STRN4: variants seen among roughly 807,000 people sequenced by gnomAD.
STRN4 encodes striatin 4, also known as striatin-4.
Under a neutral mutation model 77.9 loss-of-function variants are expected in STRN4, and 27 were observed. The observed-to-expected ratio is 0.35, with a 90% CI of 0.26 to 0.48. The LOEUF (loss-of-function observed/expected upper bound fraction) is 0.48. STRN4 is among the 20% of genes least tolerant of loss of function. The probability of loss-of-function intolerance (pLI) is 0.99; values close to 1 mark genes in which losing one functional copy is unlikely to be tolerated. For missense variants in STRN4, 798 were observed against 1,049.7 expected, an observed-to-expected ratio of 0.76 and a Z score of 3.31; for synonymous variants, 466 against 443.1, an observed-to-expected ratio of 1.05 and a Z score of -0.65.
Position 46,724,859 on chromosome 19 carries a change from G to A in STRN4, c.1542C>T (p.Cys514=), listed in dbSNP as rs753258024. ...EYCYSGGADA[C]IHSWKIPDLS... ...GGTCTGGAATCTTCCAACTATGGATGCAGGCATCTGCCCCGCCACTGTAGC... is the reference window on the plus strand; with the variant it reads ...GGTCTGGAATCTTCCAACTATGGATACAGGCATCTGCCCCGCCACTGTAGC... The change falls in exon 12 of 18, where the codon TGC becomes TGT. Residue 514 remains cysteine (C), a synonymous_variant. Transcript: ENST00000263280. 2.0e-5 allele frequency: 33 copies of A among 1,613,662 alleles called. No homozygotes were observed. The East Asian group carries it at 7.1e-4, about 35-fold the overall frequency.
At chr19:46,736,517 A>C (rs2054366032) in intron 4 of STRN4, 1 of 176,662 alleles carries the variant, frequency 5.7e-6, no homozygotes, top group African/African-American at 2.4e-5. Flanking sequence ...AAAAAAAAAA[A>C]AAAAAGCCAC....
At position 46,728,709 on chromosome 19, in the gene STRN4, G is replaced by T. The variant is rs1164362750; in HGVS notation, c.948C>A (p.Ile316=). Residue 316 remains isoleucine (I), a synonymous_variant, in exon 7 of 18, where the codon ATC becomes ATA. Transcript: ENST00000263280. ...CTGAGCCCAGGAAATCAAACTCATT[G>T]ATAGCATCCTCAGAGTCGTCTTCCT... The part of the protein sequence containing the change: ...EDEEDDSEDA[I]NEFDFLGSGE... The T allele has an allele frequency of 6.2e-7, 1 of 1,614,198 alleles. No homozygotes were observed. The highest frequency in any genetic ancestry group is 2.2e-5 in the East Asian group (1 of 44,880).
In STRN4 at chr19:46,724,808, G is replaced by A. The variant is rs776526496; in HGVS notation, c.1593C>T (p.Tyr531=). ...GAAGGCGGGAGGCGTTGTCCTCACC[G>A]TAGCCATCATAGGGATCCATGCTGA... ...PDLSMDPYDG[Y]DPSVLSHVLE... is the part of the protein sequence containing the mutation. Residue 531 remains tyrosine, a splice_region_variant and synonymous_variant, in exon 12 of 18, where the codon TAC becomes TAT. Transcript: ENST00000263280. 5.6e-6 allele frequency: 9 copies of A among 1,613,792 alleles called. No individual in the cohort carries two copies. Among genetic ancestry groups the A allele is most frequent in the Admixed American group, 5.0e-5 (3 of 60,004 alleles).
At chr19:46,725,194 T>C (rs2054079850) in intron 11 of STRN4, 138 bp downstream of exon 11, 1 of 1,249,120 alleles carries the variant, frequency 8.0e-7, no homozygotes, top group Non-Finnish European at 1.1e-6. Context: ...GGGCTGTGTA[T>C]ATCATGAAGG....
rs767951898 is a variant in STRN4, at chr19:46,722,219, G to A, written c.2005+23C>T. Reference sequence around the variant, plus strand: ...GCCTCTGGCCCTCCCCACCCACTACGAGCACAAGGGGCTAGGCCTCACCTG... The same window carrying A: ...GCCTCTGGCCCTCCCCACCCACTACAAGCACAAGGGGCTAGGCCTCACCTG... On this transcript the variant is annotated intron_variant, in intron 15 of 17. Transcript: ENST00000263280. 16 of 1,611,368 alleles carry A rather than the reference G, an allele frequency of 9.9e-6. No homozygotes were observed. The Admixed American group carries it at 1.2e-4, about 12-fold the overall frequency.
intron 14 of STRN4, among the ~76,000 whole-genome samples, 179 bp from the exon 15 acceptor site, chr19:46,722,519 G>A (rs910838239): frequency 2.8e-5 from 3 of 106,122 alleles, no homozygotes; most frequent in African/African-American, 8.2e-5. Flanking sequence ...CAGCCCCTGG[G>A]CCCTGTTTTG....
chr19:46,736,725 TC>T, intron 4 of STRN4, 97 bp downstream of exon 4: 2 of 1,234,780 alleles, frequency 1.6e-6, no homozygotes, highest in Non-Finnish European at 2.3e-6. Flanking sequence ...TAGTTCAGCA[TC>T]CCCAGTGGGG....
chr19:46,736,552 C>CAAAAAAAAAAA (rs777686904), intron 4 of STRN4: 1 of 48,588 alleles, frequency 2.1e-5, no homozygotes, highest in African/African-American at 1.1e-4. Context: ...GCCACTGAGA[C>CAAAAAAAAAAA]AAAAAAAAAA....
chr19:46,728,505 A>G, intron 7 of STRN4, 113 bp downstream of exon 7: 1 of 1,372,312 alleles, frequency 7.3e-7, no homozygotes, highest in African/African-American at 1.5e-5. Context: ...CTCAGGAAAC[A>G]TATCCGTCCG....
At position 46,727,579 on chromosome 19, in the gene STRN4, A is replaced by AGGGGAGGGAGGGGC. The variant is rs753121392; in HGVS notation, c.1154-47_1154-34dup. 4.4e-6 allele frequency: 7 copies of AGGGGAGGGAGGGGC among 1,576,840 alleles called. No homozygotes were observed. In the African/African-American group the frequency reaches 8.1e-5, roughly 18 times the overall value. On this transcript the variant is annotated intron_variant, in intron 8 of 17. Transcript: ENST00000263280. ...GAAGCCAAAGGAACCTGGTAGGGGG[A>AGGGGAGGGAGGGGC]GGGGAGGGAGGGGCAGAGAGGGCCA...
Position 46,733,451 on chromosome 19 carries a change from C to G in STRN4, c.540-215G>C. The stretch of plus-strand genomic sequence containing the variant: ...CACAATGCTATGTGTGAGGGTGCTC[C>G]CTGCACTGCTGTATGGGGAAGCCGA... On this transcript the variant is annotated intron_variant, in intron 4 of 17. Transcript: ENST00000263280. The surrounding 1 kb of genome is among the most constrained non-coding windows in gnomAD (Gnocchi z 4.3). The G allele has an allele frequency of 3.5e-6, 2 of 569,062 alleles. No homozygotes were observed. The highest frequency in any genetic ancestry group is 6.3e-6 in the Non-Finnish European group (2 of 318,116). The allele number at this position is 569,062 out of a possible 1,614,324, so 35.3% of individuals were successfully genotyped here. A position where few individuals can be genotyped will look rare whatever the true frequency, so the allele number is the denominator to read the frequency against.
chr19:46,725,208 CG>C, intron 11 of STRN4, 123 bp downstream of exon 11: 1 of 1,328,336 alleles, frequency 7.5e-7, no homozygotes, highest in South Asian at 1.3e-5. Context: ...ATGAAGGGGG[CG>C]GGGACTCAGA....
chr19:46,722,252 G>A lies in STRN4; in HGVS notation c.1995C>T (p.Asp665=), dbSNP rs747875994. 2.2e-5 allele frequency: 35 copies of A among 1,614,078 alleles called. No individual in the cohort carries two copies. Among genetic ancestry groups the A allele is most frequent in the Middle Eastern group, 1.6e-4 (1 of 6,084 alleles). ...GGGGCTAGGCCTCACCTGTCCGATT[G>A]TCCAGGAAGCGGATGCCCCTGTCGT... ...AHDDRGIRFL[D]NRTGKPVHSM... Residue 665 remains aspartate, a synonymous_variant, in exon 15 of 18, where the codon GAC becomes GAT. Transcript: ENST00000263280.
At position 46,723,332 on chromosome 19, in the gene STRN4, C is replaced by T. The variant is rs2054027539; in HGVS notation, c.1595-48G>A. 1 of 1,502,876 alleles carries T rather than the reference C, an allele frequency of 6.7e-7. No homozygotes were observed. 93.1% of individuals were successfully genotyped at this position (1,502,876 alleles called of 1,614,324 possible). ...ATGGGCTGTGTCAGGGCTGCCAGCTCCTCCCTGGACAGCCCAGAGCCCCAG... is the reference window on the plus strand; with the variant it reads ...ATGGGCTGTGTCAGGGCTGCCAGCTTCTCCCTGGACAGCCCAGAGCCCCAG... On this transcript the variant is annotated intron_variant, in intron 12 of 17. Coordinates refer to ENST00000263280, the MANE Select transcript of STRN4 (RefSeq NM_013403.3). The surrounding 1 kb of genome is among the most constrained non-coding windows in gnomAD (Gnocchi z 5.5).
chr19:46,727,807 G>T, intron 8 of STRN4, 87 bp downstream of exon 8: 1 of 1,254,574 alleles, frequency 8.0e-7, no homozygotes, highest in Admixed American at 2.5e-5. Flanking sequence ...CCTCGACCCT[G>T]AAGACACAGA....
intron 1 of STRN4, among the ~76,000 whole-genome samples, chr19:46,739,749 C>T (rs754164014): frequency 2.6e-5 from 4 of 152,230 alleles, no homozygotes; most frequent in Non-Finnish European, 4.4e-5. Flanking sequence ...CATGATCTTA[C>T]GCAGGTCATC....
chr19:46,725,324 C>T lies in STRN4; in HGVS notation c.1472+8G>A, dbSNP rs1162581732. The T allele has an allele frequency of 1.2e-6, 2 of 1,614,074 alleles. No individual in the cohort carries two copies. The highest frequency in any genetic ancestry group is 1.7e-6 in the Non-Finnish European group (2 of 1,180,040). On this transcript the variant is annotated splice_region_variant and intron_variant, in intron 11 of 17. Coordinates refer to ENST00000263280, the MANE Select transcript of STRN4 (RefSeq NM_013403.3). Reference sequence around the variant, plus strand: ...GAGTTTCTAGCAGGCTCAGGGGCACCTCCCTACCTGTGAGCCCGGAAAGCA... The same window carrying T: ...GAGTTTCTAGCAGGCTCAGGGGCACTTCCCTACCTGTGAGCCCGGAAAGCA...
At position 46,728,677 on chromosome 19, in the gene STRN4, T is replaced by C; in HGVS notation, c.980A>G (p.Asp327Gly). The C allele has an allele frequency of 6.2e-7, 1 of 1,614,048 alleles. No individual in the cohort carries two copies. Among genetic ancestry groups the C allele is most frequent in the Non-Finnish European group, 8.5e-7 (1 of 1,179,960 alleles). The change falls in exon 7 of 18, where the codon GAT becomes GGT. Residue 327 changes from aspartate (D) to glycine (G), a missense_variant. Physicochemically the swap from Asp to Gly is moderately conservative, Grantham distance 94. Transcript: ENST00000263280. ...NEFDFLGSGEDGEGAPDPRRC... is the reference protein window; with the variant it reads ...NEFDFLGSGEGGEGAPDPRRC... Reference sequence around the variant, plus strand: ...CCGAGGGTCTGGAGCCCCTTCCCCATCCTCTCCTGAGCCCAGGAAATCAAA... The same window carrying C: ...CCGAGGGTCTGGAGCCCCTTCCCCACCCTCTCCTGAGCCCAGGAAATCAAA...
chr19:46,724,891 C>T lies in STRN4; in HGVS notation c.1510G>A (p.Glu504Lys), dbSNP rs377628186. ...VLAVAMGSNS[E>K]YCYSGGADAC... ...TCTGCCCCGCCACTGTAGCAGTATTCACTGTTGCTGCCCATAGCCACAGCC... is the reference window on the plus strand; with the variant it reads ...TCTGCCCCGCCACTGTAGCAGTATTTACTGTTGCTGCCCATAGCCACAGCC... The change falls in exon 12 of 18, where the codon GAA (glutamate) becomes AAA (lysine). Residue 504 changes from glutamate (E) to lysine (K), a missense_variant. Glu to Lys is a moderately conservative substitution (Grantham distance 56). Coordinates refer to ENST00000263280, the MANE Select transcript of STRN4 (RefSeq NM_013403.3). The T allele has an allele frequency of 1.1e-5, 18 of 1,613,978 alleles. No homozygotes were observed. In the African/African-American group the frequency reaches 2.3e-4, roughly 20 times the overall value.
Sources: gnomAD v4.1 joint callset for allele counts (sites outside exome capture counted in the v4.1 genomes callset) on GRCh38, gnomAD v4.1.1 for gene constraint, Gnocchi (gnomAD v3.1) non-coding constraint, MANE v1.5 for transcripts, NCBI Gene and HGNC (gene_info 2026-07-23, HGNC 2026-07-21) for gene names.